The following MNS1 variants were observed in gnomAD, a reference collection of about 807,000 sequenced individuals.
MNS1 encodes the protein meiosis-specific nuclear structural protein 1.
MNS1 carries 63 observed loss-of-function variants against 72.0 expected under a neutral mutation model. The observed-to-expected ratio is 0.87, with a 90% confidence interval of 0.71 to 1.08. The LOEUF (loss-of-function observed/expected upper bound fraction) is 1.08, where lower values mean the gene tolerates loss of function less well. MNS1 is among the 50% of genes least tolerant of loss of function. The probability of loss-of-function intolerance (pLI) is 0.00; values close to 1 mark genes in which losing one functional copy is unlikely to be tolerated. For synonymous variants in MNS1, 188 were observed against 172.1 expected, an observed-to-expected ratio of 1.09 and a Z score of -0.72; for missense variants, 604 against 562.4, an observed-to-expected ratio of 1.07 and a Z score of -0.75.
chr15:56,440,632 A>C (rs1334936540), intron 7 of MNS1, among the ~76,000 whole-genome samples: 1 of 152,136 alleles, frequency 6.6e-6, no homozygotes, highest in African/African-American at 2.4e-5. Flanking sequence ...GTTACTCAGC[A>C]AAAAAAGGGA....
chr15:56,453,081 GTTTC>G (rs1189277571), intron 3 of MNS1, among the ~76,000 whole-genome samples: 2 of 152,070 alleles, frequency 1.3e-5, no homozygotes, highest in African/African-American at 2.4e-5. Flanking sequence ...ATTACAGCAT[GTTTC>G]TTTGTTTCCA....
chr15:56,459,546 A>C (rs2051003246), intron 2 of MNS1, among the ~76,000 whole-genome samples: 4 of 152,192 alleles, frequency 2.6e-5, no homozygotes, highest in Admixed American at 2.6e-4. Flanking sequence ...TGTTGTTTTA[A>C]GCAGCTAAGT....
chr15:56,456,354 A>T (rs1485235179), intron 3 of MNS1, 40 bp downstream of exon 3: 1 of 1,571,914 alleles, frequency 6.4e-7, no homozygotes. Flanking sequence ...GAGTTTAAAG[A>T]TAAAGACTAA....
intron 9 of MNS1, chr15:56,429,900 C>T (rs1413895841): frequency 6.6e-6 from 1 of 152,104 alleles, no homozygotes; most frequent in Non-Finnish European, 1.5e-5. Flanking sequence ...ACAAAAATAT[C>T]AAATCCCAAA....
At chr15:56,453,350 T>C (rs1415948269) in intron 3 of MNS1, among the ~76,000 whole-genome samples, 3 of 152,190 alleles carry the variant, frequency 2.0e-5, no homozygotes, top group Non-Finnish European at 4.4e-5. Context: ...TTCCCTTTAA[T>C]GCAGGATTAT....
chr15:56,463,496 A>G (rs112163558), intron 2 of MNS1, among the ~76,000 whole-genome samples: 124 of 152,304 alleles, frequency 8.1e-4, no homozygotes, highest in African/African-American at 2.8e-3. Flanking sequence ...ATAAAAAATA[A>G]AAGCAGGCTG....
rs1261663146 is a variant in MNS1 at position 56,428,906 on chromosome 15, A to T, written c.*195T>A. ...GTTGTAGAAATCGGATTTTGAAATTATCAGTACAAAAATAACAGCTTGATT... is the reference window on the plus strand; with the variant it reads ...GTTGTAGAAATCGGATTTTGAAATTTTCAGTACAAAAATAACAGCTTGATT... On this transcript the variant is annotated 3_prime_UTR_variant, in exon 10 of 10. Coordinates refer to ENST00000260453, the MANE Select transcript of MNS1 (RefSeq NM_018365.4). 5.8e-6 allele frequency: 3 copies of T among 517,910 alleles called. No individual in the cohort carries two copies. In the African/African-American group the frequency reaches 6.0e-5, roughly 10 times the overall value. The allele number at this position is 517,910 out of a possible 1,614,324, so 32.1% of individuals were successfully genotyped here.
At position 56,444,498 on chromosome 15, in the gene MNS1, T is replaced by C; in HGVS notation, c.632A>G (p.Lys211Arg). 1 of 1,611,154 alleles carries C rather than the reference T, an allele frequency of 6.2e-7. No homozygotes were observed. The highest frequency in any genetic ancestry group is 8.5e-7 in the Non-Finnish European group (1 of 1,179,274). Residue 211 changes from lysine (K) to arginine (R), a missense_variant, in exon 5 of 10, where the codon AAA (lysine) becomes AGA (arginine). Transcript: ENST00000260453. Reference sequence around the variant, plus strand: ...AATTTCATCAATCATGAGTTTCTCTTTTAGCAGCTGCTCATAAGCTTCCTG... The same window carrying C: ...AATTTCATCAATCATGAGTTTCTCTCTTAGCAGCTGCTCATAAGCTTCCTG... ...KKQEAYEQLLKEKLMIDEIVR... is the reference protein window; with the variant it reads ...KKQEAYEQLLREKLMIDEIVR...
intron 3 of MNS1, among the ~76,000 whole-genome samples, chr15:56,455,247 GAAAAAAAA>G (rs56339584): frequency 2.4e-5 from 2 of 82,914 alleles, no homozygotes; most frequent in African/African-American, 9.6e-5. Flanking sequence ...ATCGTCAGGT[GAAAAAAAA>G]AAAAAAAAAA....
chr15:56,463,162 C>T (rs1007095305), intron 2 of MNS1, among the ~76,000 whole-genome samples: 11 of 152,006 alleles, frequency 7.2e-5, no homozygotes, highest in Non-Finnish European at 1.0e-4. Flanking sequence ...ATTAGTTTCC[C>T]TTTTCTACCA....
chr15:56,451,653 T>C (rs1048406393), intron 3 of MNS1, among the ~76,000 whole-genome samples: 1 of 152,182 alleles, frequency 6.6e-6, no homozygotes, highest in Non-Finnish European at 1.5e-5. Context: ...TTATAGACAG[T>C]CTCTGATTAA....
intron 5 of MNS1, 25 bp from the exon 6 acceptor site, chr15:56,443,879 T>C (rs1442487023): frequency 6.7e-7 from 1 of 1,484,742 alleles, no homozygotes; most frequent in African/African-American, 1.4e-5. Context: ...CAAGTACAGA[T>C]TTATAGTAAA....
chr15:56,442,587 G>A lies in MNS1; in HGVS notation c.1011+843C>T, dbSNP rs138118213. 3.3e-3 allele frequency among the ~76,000 whole-genome samples: 496 copies of A among 152,234 alleles called. 3 individuals carry two copies. The highest frequency in any genetic ancestry group is 0.011 in the African/African-American group (453 of 41,544). ...AAAAGAACAAAATCATATCCTTTGC[G>A]TCAACATGGATGGAGCTGGAGGCCA... On this transcript the variant is annotated intron_variant, in intron 7 of 9. Coordinates refer to ENST00000260453, the MANE Select transcript of MNS1 (RefSeq NM_018365.4).
chr15:56,464,919 A>G (rs761033629), intron 1 of MNS1, 51 bp downstream of exon 1: 1 of 1,608,328 alleles, frequency 6.2e-7, no homozygotes, highest in Non-Finnish European at 8.5e-7. Context: ...GCGCCAAACT[A>G]GAATTAAATC....
At chr15:56,460,009 A>AAAAAAAAAAATATATATAT in intron 2 of MNS1, among the ~76,000 whole-genome samples, 9 of 26,384 alleles carry the variant, frequency 3.4e-4, no homozygotes, top group South Asian at 1.5e-3. Context: ...AAAAAAAAAA[A>AAAAAAAAAAATATATATAT]ATACATATAT....
intron 7 of MNS1, among the ~76,000 whole-genome samples, chr15:56,436,211 G>A (rs1443531119): frequency 6.6e-6 from 1 of 152,090 alleles, no homozygotes; most frequent in African/African-American, 2.4e-5. Context: ...TGGAAGTAAA[G>A]CACTCCTCAG....
intron 7 of MNS1, among the ~76,000 whole-genome samples, chr15:56,440,352 CAT>C (rs1216276303): frequency 6.6e-6 from 1 of 152,158 alleles, no homozygotes; most frequent in Admixed American, 6.6e-5. Flanking sequence ...CTGCGTAACT[CAT>C]ATATTTCTGA....
intron 9 of MNS1, among the ~76,000 whole-genome samples, chr15:56,431,004 T>C (rs2140316371): frequency 6.6e-6 from 1 of 152,064 alleles, no homozygotes; most frequent in Middle Eastern, 3.4e-3. Flanking sequence ...TTACCAAAAA[T>C]ACAAAAATTA....
At chr15:56,437,846 T>A (rs369518837) in intron 7 of MNS1, among the ~76,000 whole-genome samples, 1 of 152,074 alleles carries the variant, frequency 6.6e-6, no homozygotes, top group Admixed American at 6.5e-5. Context: ...AGCCAAATCA[T>A]GAGTGAACTC....
Sources: allele counts gnomAD v4.1 joint callset (sites outside exome capture counted in the v4.1 genomes callset), GRCh38; gene constraint gnomAD v4.1.1; transcripts MANE v1.5; gene names NCBI Gene and HGNC (gene_info 2026-07-23, HGNC 2026-07-21).